Variants in SDCBP2 observed in about 807,000 individuals in gnomAD.
SDCBP2 encodes syndecan binding protein 2.
In SDCBP2, 28 loss-of-function variants were observed where a neutral mutation model predicts 30.7. The ratio of observed to expected loss-of-function variants is 0.91; its 90% CI spans 0.68 to 1.25. The LOEUF (loss-of-function observed/expected upper bound fraction) is 1.25. Ranked by LOEUF, SDCBP2 falls within the 50% of genes most tolerant of loss-of-function variation. The probability of loss-of-function intolerance (pLI) is 0.00; values close to 1 mark genes in which losing one functional copy is unlikely to be tolerated. For synonymous variants in SDCBP2, 166 were observed against 157.3 expected, an observed-to-expected ratio of 1.06 and a Z score of -0.41; for missense variants, 399 against 379.0, an observed-to-expected ratio of 1.05 and a Z score of -0.44.
intron 8 of SDCBP2, 30 bp from the exon 9 acceptor site, chr20:1,310,525 G>A: frequency 1.2e-6 from 2 of 1,610,928 alleles, no homozygotes; most frequent in African/African-American, 2.7e-5. Flanking sequence ...TGACCAGGTT[G>A]GCAGCTCCTT....
In SDCBP2 at chr20:1,313,333, G is replaced by T. The variant is rs1235672744; in HGVS notation, c.384+7C>A. 2 of 1,610,256 alleles carry T rather than the reference G, an allele frequency of 1.2e-6. No individual in the cohort carries two copies. The highest frequency in any genetic ancestry group is 1.7e-6 in the Non-Finnish European group (2 of 1,179,340). The stretch of plus-strand genomic sequence containing the variant: ...GCTCCTCTTCCCACCCAGCCCCCGC[G>T]CCCTACCTGGTCGACCTTCCGCAGC... On this transcript the variant is annotated splice_region_variant and intron_variant, in intron 5 of 8. Transcript: ENST00000360779. This position sits in a 1 kb window ranked among gnomAD's most constrained non-coding sequence, Gnocchi z 5.2.
At chr20:1,323,024 A>G (rs989934678) in intron 1 of SDCBP2, 26 of 152,178 alleles carry the variant, frequency 1.7e-4, no homozygotes, top group African/African-American at 6.3e-4. Context: ...GTCACAGCCT[A>G]CCTCGCAAAT....
intron 1 of SDCBP2, chr20:1,325,386 G>T (rs541052420): frequency 6.6e-6 from 1 of 152,084 alleles, no homozygotes; most frequent in Non-Finnish European, 1.5e-5. Flanking sequence ...GCCCGGGCGC[G>T]GTTAGGGGTG....
chr20:1,318,224 C>T (rs780198401), intron 4 of SDCBP2, 94 bp downstream of exon 4: 15 of 873,962 alleles, frequency 1.7e-5, no homozygotes, highest in Non-Finnish European at 2.7e-5. Context: ...GGTCCGAGCA[C>T]AGAGAGAAAG....
intron 4 of SDCBP2, 99 bp downstream of exon 4, chr20:1,318,219 G>A (rs750671824): frequency 6.9e-5 from 58 of 843,234 alleles, no homozygotes; most frequent in African/African-American, 3.3e-4. Flanking sequence ...GGGGAGGTCC[G>A]AGCACAGAGA....
rs146346257 is a variant in SDCBP2 at position 1,310,788 on chromosome 20, G to C, written c.824+12C>G. 953 of 1,607,210 alleles carry C rather than the reference G, an allele frequency of 5.9e-4. 7 individuals are homozygous for C. The African/African-American group carries it at 0.012, about 20-fold the overall frequency. Reference sequence around the variant, plus strand: ...GAGGGGTGAGGAGGGGTGAGGAGGGGTGCAGCCTTACTTTTTGACCATGTG... The same window carrying C: ...GAGGGGTGAGGAGGGGTGAGGAGGGCTGCAGCCTTACTTTTTGACCATGTG... On this transcript the variant is annotated intron_variant, in intron 8 of 8. Transcript: ENST00000360779.
intron 8 of SDCBP2, 30 bp downstream of exon 8, chr20:1,310,770 G>A: frequency 6.4e-7 from 1 of 1,572,700 alleles, no homozygotes; most frequent in South Asian, 1.1e-5. Context: ...GAGGAGGGGT[G>A]AGGAGGGGTG....
rs1282744932 is a variant in SDCBP2, at chr20:1,310,183, C to A, written c.*258G>T. 1.2e-5 allele frequency: 5 copies of A among 401,206 alleles called. No individual in the cohort carries two copies. Among genetic ancestry groups the A allele is most frequent in the Admixed American group, 4.1e-5 (1 of 24,414 alleles). The allele number at this position is 401,206 out of a possible 1,614,324, so 24.9% of individuals were successfully genotyped here. A position where few individuals can be genotyped will look rare whatever the true frequency, so the allele number is the denominator to read the frequency against. On this transcript the variant is annotated 3_prime_UTR_variant, in exon 9 of 9. Coordinates refer to ENST00000360779, the MANE Select transcript of SDCBP2 (RefSeq NM_080489.5). Reference sequence around the variant, plus strand: ...TAAGCAGCGTTTAAACAGCCTGCCTCCGTGTCCAGCATTTAAATCAGCACA... The same window carrying A: ...TAAGCAGCGTTTAAACAGCCTGCCTACGTGTCCAGCATTTAAATCAGCACA...
intron 4 of SDCBP2, among the ~76,000 whole-genome samples, chr20:1,317,211 A>G (rs896394847): frequency 1.1e-4 from 16 of 152,294 alleles, no homozygotes; most frequent in Admixed American, 2.0e-4. Flanking sequence ...GAAATGACAT[A>G]GAACTAGAGA....
Position 1,313,611 on chromosome 20 carries a change from C to CT in SDCBP2, c.226-114_226-113insA. 2 of 1,425,460 alleles carry CT rather than the reference C, an allele frequency of 1.4e-6. No individual in the cohort carries two copies. Among genetic ancestry groups the CT allele is most frequent in the Non-Finnish European group, 1.8e-6 (2 of 1,092,192 alleles). The allele number at this position is 1,425,460 out of a possible 1,614,324, so 88.3% of individuals were successfully genotyped here. A position where few individuals can be genotyped will look rare whatever the true frequency, so the allele number is the denominator to read the frequency against. Reference sequence around the variant, plus strand: ...AGGAGGATGGAGCCGTCCCCGGGTCCCCCCACGTCCCCAGTCCACGCTTCT... The same window carrying CT: ...AGGAGGATGGAGCCGTCCCCGGGTCCTCCCCACGTCCCCAGTCCACGCTTCT... On this transcript the variant is annotated intron_variant, in intron 4 of 8. Transcript: ENST00000360779. This position sits in a 1 kb window ranked among gnomAD's most constrained non-coding sequence, Gnocchi z 5.2.
intron 4 of SDCBP2, among the ~76,000 whole-genome samples, chr20:1,316,461 C>G (rs2088777772): frequency 6.6e-6 from 1 of 152,174 alleles, no homozygotes; most frequent in African/African-American, 2.4e-5. Flanking sequence ...GTGATCTTGG[C>G]TCACTGCAGC....
intron 3 of SDCBP2, among the ~76,000 whole-genome samples, chr20:1,319,209 G>A (rs1568562527): frequency 6.6e-6 from 1 of 152,194 alleles, no homozygotes; most frequent in Non-Finnish European, 1.5e-5. Context: ...CTGAAATGCT[G>A]ATTTGAGGTG....
intron 3 of SDCBP2, among the ~76,000 whole-genome samples, chr20:1,319,356 A>G (rs1169160148): frequency 6.6e-6 from 1 of 152,190 alleles, no homozygotes; most frequent in East Asian, 1.9e-4. Flanking sequence ...TTCACCAGGC[A>G]GTCAAGGAGG....
chr20:1,317,160 G>A (rs944040872), intron 4 of SDCBP2, among the ~76,000 whole-genome samples: 1 of 151,934 alleles, frequency 6.6e-6, no homozygotes, highest in African/African-American at 2.4e-5. Context: ...AACTAGTTCT[G>A]TATGGATTGC....
intron 4 of SDCBP2, among the ~76,000 whole-genome samples, chr20:1,316,792 C>T (rs1324435272): frequency 6.6e-6 from 1 of 152,170 alleles, no homozygotes; most frequent in East Asian, 1.9e-4. Flanking sequence ...TATACAAAAA[C>T]CTGTATAAGA....
chr20:1,317,925 G>A (rs141448432), intron 4 of SDCBP2: 4 of 349,720 alleles, frequency 1.1e-5, no homozygotes, highest in African/African-American at 8.5e-5. Context: ...CAGGAATTGA[G>A]CCTTGTTGTT....
rs143026050 is a variant in SDCBP2, at chr20:1,310,817, G to A, written c.807C>T (p.Tyr269=). 5.9e-5 allele frequency: 95 copies of A among 1,613,312 alleles called. No homozygotes were observed. Among genetic ancestry groups the A allele is most frequent in the East Asian group, 5.6e-4 (25 of 44,852 alleles). The change falls in exon 8 of 9, where the codon TAC becomes TAT. Residue 269 remains tyrosine, a synonymous_variant. Transcript: ENST00000360779. ...VTLTIIPSVI[Y]EHMVKKLPPV... ...AGCCTTACTTTTTGACCATGTGCTC[G>A]TAGATCACACTGGGGATGATGGTCA... is the stretch of plus-strand genomic sequence containing the variant.
chr20:1,312,795 C>A, intron 5 of SDCBP2, 33 bp from the exon 6 acceptor site: 2 of 1,582,284 alleles, frequency 1.3e-6, no homozygotes, highest in Non-Finnish European at 8.6e-7. Context: ...GTCAGTGTCC[C>A]TGGCCCACCC....
In SDCBP2 at chr20:1,313,405, G is replaced by A. The variant is rs35578871; in HGVS notation, c.319C>T (p.Arg107Cys). 1,145 of 1,608,460 alleles carry A rather than the reference G, an allele frequency of 7.1e-4. 1 individual carries two copies. The African/African-American group carries it at 9.5e-3, about 13-fold the overall frequency. Residue 107 changes from arginine to cysteine, a missense_variant, in exon 5 of 9, where the codon CGC becomes TGC. Physicochemically the swap from Arg to Cys is radical, Grantham distance 180. Transcript: ENST00000360779. This position sits in a 1 kb window ranked among gnomAD's most constrained non-coding sequence, Gnocchi z 5.2. ...VRRAEIKPGV[R>C]EIHLCKDERG... ...TCGTCCTTGCACAGGTGGATCTCGC[G>A]CACCCCGGGCTTGATCTCAGCTCGC...
Sources: allele counts gnomAD v4.1 joint callset (sites outside exome capture counted in the v4.1 genomes callset), GRCh38; gene constraint gnomAD v4.1.1; non-coding constraint Gnocchi (gnomAD v3.1); transcripts MANE v1.5; gene names NCBI Gene and HGNC (gene_info 2026-07-23, HGNC 2026-07-21).